DOCK7: variants seen among roughly 807,000 people sequenced by gnomAD.
The protein encoded by DOCK7 is dedicator of cytokinesis 7.
DOCK7 carries 138 observed loss-of-function variants against 271.0 expected under a neutral mutation model. The observed-to-expected ratio is 0.51, with a 90% CI of 0.44 to 0.59. DOCK7 has a LOEUF of 0.59. Among genes scored for constraint, DOCK7 ranks in the 20% least tolerant of loss-of-function variants. The pLI, the probability that DOCK7 is intolerant of heterozygous loss-of-function variation, is 0.00. For missense variants in DOCK7, 2,066 were observed against 2,592.4 expected (o/e 0.80, Z 4.41); for synonymous variants, 823 against 876.1 (o/e 0.94, Z 1.07).
intron 10 of DOCK7, among the ~76,000 whole-genome samples, chr1:62,632,557 A>T (rs1006876687): frequency 6.6e-6 from 1 of 152,254 alleles, no homozygotes; most frequent in African/African-American, 2.4e-5. Context: ...TTCTCCCAGA[A>T]GTTCCAGTAT....
chr1:62,493,796 A>G (rs1358722329), intron 40 of DOCK7, among the ~76,000 whole-genome samples: 1 of 152,224 alleles, frequency 6.6e-6, no homozygotes, highest in Non-Finnish European at 1.5e-5. Flanking sequence ...ACTCTTGGTA[A>G]GCAGAGAATT....
rs768364588 is a variant in DOCK7 at position 62,494,305 on chromosome 1, T to C, written c.5187A>G (p.Lys1729=). 1.0e-5 allele frequency: 16 copies of C among 1,602,440 alleles called. No individual in the cohort carries two copies. The highest frequency in any genetic ancestry group is 1.3e-5 in the Non-Finnish European group (15 of 1,171,220). ...AEYLSMLEDR[K]YLPVGCVTFQ... is the part of the protein sequence containing the mutation. ...ATGTTACACATCCCACAGGAAGATA[T>C]TTCCGGTCCTCCAGCATGCTCAAAT... The change falls in exon 40 of 50, where the codon AAA becomes AAG. Residue 1729 remains lysine (K), a synonymous_variant. Coordinates refer to ENST00000635253, the MANE Select transcript of DOCK7 (RefSeq NM_001367561.1).
chr1:62,517,492 G>A (rs1644699295), intron 31 of DOCK7, among the ~76,000 whole-genome samples: 1 of 152,120 alleles, frequency 6.6e-6, no homozygotes, highest in Non-Finnish European at 1.5e-5. Context: ...CTACTCAGGA[G>A]GTTGAGGCAG....
intron 47 of DOCK7, among the ~76,000 whole-genome samples, chr1:62,474,768 C>T (rs1176165892): frequency 6.6e-6 from 1 of 152,086 alleles, no homozygotes; most frequent in East Asian, 1.9e-4. Flanking sequence ...TTTTAATGAA[C>T]CAACCACAAG....
At chr1:62,541,096 T>C (rs562081474) in intron 25 of DOCK7, among the ~76,000 whole-genome samples, 1 of 152,310 alleles carries the variant, frequency 6.6e-6, no homozygotes, top group South Asian at 2.1e-4. Flanking sequence ...TTTTATATTT[T>C]TTTACATACT....
At chr1:62,552,695 C>A in intron 22 of DOCK7, 37 bp downstream of exon 22, 1 of 1,546,814 alleles carries the variant, frequency 6.5e-7, no homozygotes. Context: ...GTTCACAAAA[C>A]AAAAACCAAA....
chr1:62,455,778 G>A (rs1306151186), intron 49 of DOCK7, among the ~76,000 whole-genome samples: 1 of 152,122 alleles, frequency 6.6e-6, no homozygotes, highest in Non-Finnish European at 1.5e-5. Flanking sequence ...TTTTTTACAC[G>A]GCAAAAGGCA....
intron 13 of DOCK7, among the ~76,000 whole-genome samples, chr1:62,619,156 G>A (rs1006255723): frequency 3.5e-4 from 53 of 152,112 alleles, no homozygotes; most frequent in African/African-American, 1.2e-3. Context: ...AAAACCAGAG[G>A]GATCTGGCAT....
rs762043565 is a variant in DOCK7 at position 62,653,765 on chromosome 1, TAC to T, written c.347_348del (p.Cys116TyrfsTer17). The T allele has an allele frequency of 6.3e-7, 1 of 1,597,248 alleles. No individual in the cohort carries two copies. The highest frequency in any genetic ancestry group is 8.6e-7 in the Non-Finnish European group (1 of 1,165,222). On this transcript the variant is annotated frameshift_variant, in exon 4 of 50. Transcript: ENST00000635253. LOFTEE classifies it high-confidence loss of function. ...ESEMDPHVRD[C>X]IRSYTEDWAI... ...GCCCAGTCTTCTGTATAACTTCTTA[TAC>T]AGTCTCTAACATGTGGATCCATTTC...
At chr1:62,642,550 T>C (rs1475476648) in intron 7 of DOCK7, among the ~76,000 whole-genome samples, 1 of 152,226 alleles carries the variant, frequency 6.6e-6, no homozygotes, top group Non-Finnish European at 1.5e-5. Flanking sequence ...TTAAAGTACA[T>C]AGTTAAGTTT....
intron 14 of DOCK7, among the ~76,000 whole-genome samples, chr1:62,616,320 A>C (rs954528435): frequency 7.2e-5 from 11 of 151,784 alleles, no homozygotes; most frequent in African/African-American, 2.4e-4. Flanking sequence ...ATTAATTCAC[A>C]GAAAAGATAC....
intron 21 of DOCK7, among the ~76,000 whole-genome samples, chr1:62,553,385 T>TTA (rs1646021751): frequency 4.9e-5 from 5 of 102,576 alleles, no homozygotes; most frequent in African/African-American, 2.0e-4. Flanking sequence ...TTTTTTTTTT[T>TTA]AATAGGCAGG....
chr1:62,529,908 G>C (rs1294781573), intron 29 of DOCK7, among the ~76,000 whole-genome samples: 2 of 152,144 alleles, frequency 1.3e-5, no homozygotes, highest in Non-Finnish European at 2.9e-5. Context: ...GTAGCCCACA[G>C]GCTGGGGTTG....
In DOCK7 at chr1:62,455,159, A is replaced by G; in HGVS notation, c.*255T>C. On this transcript the variant is annotated 3_prime_UTR_variant, in exon 50 of 50. Transcript: ENST00000635253. ...ATTTTTAACCTTAGCTATGGTATAA[A>G]TAATGGTAAATGTATAGTGTACCTT... The G allele has an allele frequency of 1.7e-6, 1 of 583,346 alleles. No individual in the cohort carries two copies. Among genetic ancestry groups the G allele is most frequent in the Middle Eastern group, 2.7e-4 (1 of 3,728 alleles). The allele number at this position is 583,346 out of a possible 1,614,324, so 36.1% of individuals were successfully genotyped here.
intron 31 of DOCK7, 140 bp downstream of exon 31, chr1:62,528,011 T>C (rs555133981): frequency 1.1e-6 from 1 of 889,264 alleles, no homozygotes; most frequent in East Asian, 3.0e-5. Flanking sequence ...CAGTTAATAT[T>C]CTGGGAACTT....
intron 25 of DOCK7, 110 bp downstream of exon 25, chr1:62,542,498 A>G: frequency 2.9e-6 from 3 of 1,041,528 alleles, no homozygotes; most frequent in Non-Finnish European, 4.2e-6. Flanking sequence ...GGCACATGGA[A>G]AAGCGTTAAG....
chr1:62,618,796 A>T lies in DOCK7; in HGVS notation c.1592T>A (p.Val531Glu). ...AACTCTACTGTCAGGGTAAAGCTTC[A>T]CTTGAAGCAGCTCCGGAGTTAGGCA... Reference protein sequence around the residue: ...HYCLTPELLQVKLYPDSRVRP... With the variant: ...HYCLTPELLQEKLYPDSRVRP... Residue 531 changes from valine (V) to glutamate (E), a missense_variant, in exon 14 of 50, where the codon GTG (valine) becomes GAG (glutamate). Val to Glu is a moderately radical substitution (Grantham distance 121, BLOSUM62 -2). This residue lies in a region of DOCK7 where 1,414 missense variants were observed against 1,670.4 expected (regional missense o/e 0.85). Transcript: ENST00000635253. The T allele has an allele frequency of 6.2e-7, 1 of 1,613,844 alleles. No individual in the cohort carries two copies. The highest frequency in any genetic ancestry group is 8.5e-7 in the Non-Finnish European group (1 of 1,179,726).
At chr1:62,609,839 T>C (rs1305048292) in intron 14 of DOCK7, among the ~76,000 whole-genome samples, 1 of 151,912 alleles carries the variant, frequency 6.6e-6, no homozygotes, top group Non-Finnish European at 1.5e-5. Context: ...GACTCAGAAT[T>C]CTTTTTTTTT....
At chr1:62,469,254 A>G (rs1571202607) in intron 48 of DOCK7, among the ~76,000 whole-genome samples, 1 of 152,262 alleles carries the variant, frequency 6.6e-6, no homozygotes, top group East Asian at 1.9e-4. Context: ...TAGAGAAGCC[A>G]GAAATAAACC....
Sources: gnomAD v4.1 joint callset for allele counts (sites outside exome capture counted in the v4.1 genomes callset) on GRCh38, gnomAD v4.1.1 for gene constraint, gnomAD v4.1.1 regional missense constraint, MANE v1.5 for transcripts, NCBI Gene and HGNC (gene_info 2026-07-23, HGNC 2026-07-21) for gene names.